Variants in ZNF717 observed in about 807,000 individuals in gnomAD.
The protein encoded by ZNF717 is zinc finger protein 717.
A neutral mutation model predicts 13.8 loss-of-function variants in ZNF717; 9 were observed. That is an observed-to-expected ratio of 0.65 (90% CI 0.39 to 1.14). ZNF717 has a LOEUF of 1.14. ZNF717 is among the 50% of genes most tolerant of loss of function. The pLI is 0.01. For missense variants in ZNF717, 1,040 were observed against 1,080.7 expected, an observed-to-expected ratio of 0.96 and a Z score of 0.53; for synonymous variants, 327 against 364.1, an observed-to-expected ratio of 0.90 and a Z score of 1.16.
intron 2 of ZNF717, among the ~76,000 whole-genome samples, chr3:75,761,987 G>A (rs911667393): frequency 4.0e-5 from 6 of 150,898 alleles, no homozygotes; most frequent in African/African-American, 1.2e-4. Flanking sequence ...TTGGAAGGTG[G>A]AGGTTGCAGT....
chr3:75,695,044 A>G (rs1217356620), intron 6 of ZNF717, among the ~76,000 whole-genome samples: 1 of 152,210 alleles, frequency 6.6e-6, no homozygotes, highest in African/African-American at 2.4e-5. Flanking sequence ...AAAATAGTGG[A>G]TGAACGGATA....
rs77919437 is a variant in ZNF717 at position 75,700,255 on chromosome 3, G to A, written n.1085+10932C>T. ...AAAAATACAAAAAAATTAGCCGGGT[G>A]TGGTGGCGGGTGCCTGTAATCCCAG... On this transcript the variant is annotated intron_variant and non_coding_transcript_variant, in intron 6 of 6. Coordinates refer to the ZNF717 transcript ENST00000648506. Among the ~76,000 whole-genome samples, 3 of 152,428 alleles carry A rather than the reference G, an allele frequency of 2.0e-5. No homozygotes were observed. The South Asian group carries it at 6.2e-4, about 32-fold the overall frequency.
At position 75,766,457 on chromosome 3, in the gene ZNF717, A is replaced by G. The variant is rs1297558685; in HGVS notation, c.57+16849T>C. Among the ~76,000 whole-genome samples, 3 of 152,368 alleles carry G rather than the reference A, an allele frequency of 2.0e-5. No homozygotes were observed. In the East Asian group the frequency reaches 5.8e-4, roughly 29 times the overall value. ...AAACAGGGTACTTTCATAAAAGTAA[A>G]AGAATCAGAGAGGATGATATTAAAA... On this transcript the variant is annotated intron_variant, in intron 2 of 4. Transcript: ENST00000652011.
At chr3:75,714,023 T>C (rs1007838789) in intron 5 of ZNF717, among the ~76,000 whole-genome samples, 12 of 152,186 alleles carry the variant, frequency 7.9e-5, no homozygotes, top group African/African-American at 2.9e-4. Context: ...TCAGAGACTT[T>C]TAGTACTTTC....
downstream of ZNF717, among the ~76,000 whole-genome samples, chr3:75,729,397 C>T (rs1367782994): frequency 6.6e-6 from 1 of 152,184 alleles, no homozygotes; most frequent in African/African-American, 2.4e-5. Flanking sequence ...GGGTGGATCA[C>T]CTGAGGTCAG....
chr3:75,783,623 T>C (rs201363034), intron 1 of ZNF717, among the ~76,000 whole-genome samples: 2 of 152,372 alleles, frequency 1.3e-5, no homozygotes, highest in East Asian at 3.9e-4. Flanking sequence ...TATTACCTAC[T>C]AATTTAGCAA....
At position 75,778,240 on chromosome 3, in the gene ZNF717, A is replaced by T. The variant is rs560931914; in HGVS notation, c.57+5066T>A. Reference sequence around the variant, plus strand: ...ACTGGAACCCAAAACAATGGAGCTGACGTGCTAAAACCGGAACCCAAAACA... The same window carrying T: ...ACTGGAACCCAAAACAATGGAGCTGTCGTGCTAAAACCGGAACCCAAAACA... On this transcript the variant is annotated intron_variant, in intron 2 of 4. Transcript: ENST00000652011. Among the ~76,000 whole-genome samples the T allele has an allele frequency of 2.0e-5, 3 of 151,952 alleles. No individual in the cohort carries two copies. In the South Asian group the frequency reaches 6.2e-4, roughly 32 times the overall value.
chr3:75,762,336 G>A (rs1468812566), intron 2 of ZNF717, among the ~76,000 whole-genome samples: 26 of 151,636 alleles, frequency 1.7e-4, no homozygotes, highest in African/African-American at 6.3e-4. Context: ...AGCTACTTGA[G>A]AGGCTGAGGT....
chr3:75,710,967 T>C (rs1288627848), exon 6 of ZNF717: 4 of 152,222 alleles, frequency 2.6e-5, no homozygotes, highest in Non-Finnish European at 4.4e-5. Flanking sequence ...AGGGAGGTTT[T>C]AGATTTTACT....
intron 2 of ZNF717, among the ~76,000 whole-genome samples, chr3:75,778,761 G>T (rs576184208): frequency 7.2e-6 from 1 of 139,264 alleles, no homozygotes; most frequent in South Asian, 2.2e-4. Context: ...AAAACAATGG[G>T]AGTGTCATGC....
intron 4 of ZNF717, among the ~76,000 whole-genome samples, chr3:75,740,799 T>C (rs1381510925): frequency 2.6e-5 from 4 of 152,098 alleles, no homozygotes; most frequent in African/African-American, 9.7e-5. Flanking sequence ...CCACTGCACT[T>C]CAGTCTGAGA....
At position 75,738,037 on chromosome 3, in the gene ZNF717, T is replaced by A; in HGVS notation, c.1586A>T (p.His529Leu). 7.4e-7 allele frequency: 1 copy of A among 1,342,842 alleles called. No individual in the cohort carries two copies. The highest frequency in any genetic ancestry group is 9.9e-7 in the Non-Finnish European group (1 of 1,006,376). 83.2% of individuals were successfully genotyped at this position (1,342,842 alleles called of 1,614,324 possible). A position where few individuals can be genotyped will look rare whatever the true frequency, so the allele number is the denominator to read the frequency against. Residue 529 changes from histidine (H) to leucine (L), a missense_variant, in exon 5 of 5, where the codon CAT (histidine) becomes CTT (leucine). By Grantham distance (99) the His-to-Leu change is moderately conservative (BLOSUM62 -3). Transcript: ENST00000652011. ...KSFLTVHQRT[H>L]AGEKPYACNE... is the part of the protein sequence containing the mutation. ...ACATGCGTATGGTTTTTCCCCAGCA[T>A]GAGTTCTCTGATGGACAGTGAGGAA...
At chr3:75,751,031 C>T (rs796850990) in intron 2 of ZNF717, among the ~76,000 whole-genome samples, 2 of 151,302 alleles carry the variant, frequency 1.3e-5, no homozygotes, top group Non-Finnish European at 2.9e-5. Flanking sequence ...AATGTTTGTC[C>T]CTCACACAGG....
intron 2 of ZNF717, among the ~76,000 whole-genome samples, chr3:75,746,990 G>A (rs1420388875): frequency 6.6e-6 from 1 of 152,080 alleles, no homozygotes; most frequent in African/African-American, 2.4e-5. Context: ...GGTTTTTATG[G>A]TTTTAGGTCT....
intron 2 of ZNF717, among the ~76,000 whole-genome samples, chr3:75,774,610 GTTTTTTTTTTTT>G (rs537149833): frequency 5.0e-5 from 4 of 80,216 alleles, no homozygotes; most frequent in East Asian, 7.2e-4. Context: ...AATTCTTGTG[GTTTTTTTTTTTT>G]TTTTTTTTTT....
intron 2 of ZNF717, among the ~76,000 whole-genome samples, chr3:75,766,171 T>C (rs62268113): frequency 6.6e-6 from 1 of 152,190 alleles, no homozygotes; most frequent in Middle Eastern, 3.4e-3. Flanking sequence ...CCAACCTTAG[T>C]AATGATTAGT....
At chr3:75,696,860 T>A (rs1405117081) in intron 6 of ZNF717, among the ~76,000 whole-genome samples, 2 of 140,128 alleles carry the variant, frequency 1.4e-5, no homozygotes, top group Admixed American at 1.5e-4. Context: ...ACCATTGCAC[T>A]CCAACCTGGG....
At chr3:75,766,796 A>C (rs1221549165) in intron 2 of ZNF717, among the ~76,000 whole-genome samples, 2 of 152,274 alleles carry the variant, frequency 1.3e-5, no homozygotes, top group African/African-American at 4.8e-5. Flanking sequence ...TTGTCTCAAC[A>C]CTTGAAATTA....
chr3:75,754,217 A>G (rs1412623484), intron 2 of ZNF717, among the ~76,000 whole-genome samples: 1 of 152,236 alleles, frequency 6.6e-6, no homozygotes, highest in Non-Finnish European at 1.5e-5. Flanking sequence ...ATAGCCACCT[A>G]AAGAGAAGAA....
Sources: allele counts gnomAD v4.1 joint callset (sites outside exome capture counted in the v4.1 genomes callset), GRCh38; gene constraint gnomAD v4.1.1; transcripts MANE v1.5; gene names NCBI Gene and HGNC (gene_info 2026-07-23, HGNC 2026-07-21).